Variants in CSTA observed in about 807,000 individuals in gnomAD.
CSTA encodes cystatin A, also known as cystatin-A.
A neutral mutation model predicts 9.2 loss-of-function variants in CSTA; 9 were observed. The observed-to-expected ratio is 0.97, with a 90% CI of 0.59 to 1.70. The LOEUF (loss-of-function observed/expected upper bound fraction) is 1.70, where lower values mean the gene tolerates loss of function less well. Among genes scored for constraint, CSTA ranks in the 40% most tolerant of loss-of-function variants. The pLI, the probability that CSTA is intolerant of heterozygous loss-of-function variation, is 0.00. For synonymous variants in CSTA, 36 were observed against 40.6 expected (o/e 0.89, Z 0.43); for missense variants, 118 against 113.1 (o/e 1.04, Z -0.20).
At chr3:122,333,540 G>GAAGGAAGAAAGAAAGAAAGA (rs2075216439) in intron 1 of CSTA, among the ~76,000 whole-genome samples, 1 of 112,078 alleles carries the variant, frequency 8.9e-6, no homozygotes, top group Non-Finnish European at 1.8e-5. Context: ...AGAAAAGAAA[G>GAAGGAAGAAAGAAAGAAAGA]AAGAAAGAAA....
intron 1 of CSTA, among the ~76,000 whole-genome samples, chr3:122,327,925 A>G (rs1200901287): frequency 6.6e-6 from 1 of 152,234 alleles, no homozygotes; most frequent in African/African-American, 2.4e-5. Context: ...TGCATTGCTA[A>G]TAACACCTAT....
chr3:122,332,718 A>C (rs1272879572), intron 1 of CSTA, among the ~76,000 whole-genome samples: 1 of 152,208 alleles, frequency 6.6e-6, no homozygotes, highest in Non-Finnish European at 1.5e-5. Flanking sequence ...ACCAAGCGAC[A>C]AACCTCCACT....
At chr3:122,339,132 G>T (rs914970240) in intron 2 of CSTA, among the ~76,000 whole-genome samples, 4 of 152,156 alleles carry the variant, frequency 2.6e-5, no homozygotes, top group African/African-American at 9.7e-5. Context: ...AGAGGTAGGT[G>T]GTAGAATGGA....
At chr3:122,337,323 C>A (rs1273609984) in intron 1 of CSTA, among the ~76,000 whole-genome samples, 1 of 152,150 alleles carries the variant, frequency 6.6e-6, no homozygotes, top group African/African-American at 2.4e-5. Flanking sequence ...ATTGCATTAC[C>A]ACACTGAGTT....
At chr3:122,328,567 G>A (rs1336102976) in intron 1 of CSTA, among the ~76,000 whole-genome samples, 1 of 150,466 alleles carries the variant, frequency 6.6e-6, no homozygotes, top group Non-Finnish European at 1.5e-5. Flanking sequence ...TTGACTGCCT[G>A]CCCTCTCTAC....
rs200394711 is a variant in CSTA at position 122,341,550 on chromosome 3, G to A, written c.280G>A (p.Glu94Lys). ...GYQVDKNKDD[E>K]LTGF ...CCAGGTTGACAAAAACAAGGATGACGAGCTGACGGGCTTTTAGCAGCATGT... is the reference window on the plus strand; with the variant it reads ...CCAGGTTGACAAAAACAAGGATGACAAGCTGACGGGCTTTTAGCAGCATGT... The change falls in exon 3 of 3, where the codon GAG becomes AAG. Residue 94 changes from glutamate to lysine, a missense_variant. Physicochemically the swap from Glu to Lys is moderately conservative, Grantham distance 56. Transcript: ENST00000264474. 584 of 1,614,000 alleles carry A rather than the reference G, an allele frequency of 3.6e-4. No homozygotes were observed. The highest frequency in any genetic ancestry group is 4.7e-4 in the Non-Finnish European group (554 of 1,180,016).
At chr3:122,335,956 AATACACAC>A (rs1287444315) in intron 1 of CSTA, among the ~76,000 whole-genome samples, 3 of 60,146 alleles carry the variant, frequency 5.0e-5, no homozygotes, top group African/African-American at 1.7e-4. Context: ...TAATCAGAGG[AATACACAC>A]ACACACACAC....
In CSTA at chr3:122,325,369, G is replaced by A. The variant is rs372265005; in HGVS notation, c.66+11G>A. 17 of 1,613,768 alleles carry A rather than the reference G, an allele frequency of 1.1e-5. No homozygotes were observed. The highest frequency in any genetic ancestry group is 1.3e-5 in the African/African-American group (1 of 74,924). ...GAGATTGTTGATAAGGTGAGTTGAT[G>A]CCATTCAGGAAAAAGTCTGAGCCAA... On this transcript the variant is annotated intron_variant, in intron 1 of 2. Transcript: ENST00000264474.
At chr3:122,333,352 A>G (rs1315366548) in intron 1 of CSTA, among the ~76,000 whole-genome samples, 1 of 152,080 alleles carries the variant, frequency 6.6e-6, no homozygotes, top group Non-Finnish European at 1.5e-5. Flanking sequence ...CTCTCCAAAA[A>G]TATAAAAAAT....
At chr3:122,328,765 T>G (rs2075184961) in intron 1 of CSTA, among the ~76,000 whole-genome samples, 1 of 151,052 alleles carries the variant, frequency 6.6e-6, no homozygotes, top group African/African-American at 2.4e-5. Flanking sequence ...GCTTTCTACT[T>G]TCTAGTTTTC....
At chr3:122,327,068 T>C (rs1395356137) in intron 1 of CSTA, among the ~76,000 whole-genome samples, 1 of 151,642 alleles carries the variant, frequency 6.6e-6, no homozygotes, top group African/African-American at 2.4e-5. Context: ...TGAAACCCCA[T>C]CTCTACTAAA....
intron 1 of CSTA, among the ~76,000 whole-genome samples, chr3:122,327,594 A>G (rs1014047519): frequency 3.3e-5 from 5 of 152,014 alleles, no homozygotes; most frequent in Non-Finnish European, 7.4e-5. Flanking sequence ...CATTTGAAAA[A>G]TGAAGGTAAC....
chr3:122,332,905 A>G (rs2107666575), intron 1 of CSTA, among the ~76,000 whole-genome samples: 1 of 152,248 alleles, frequency 6.6e-6, no homozygotes, highest in East Asian at 1.9e-4. Flanking sequence ...ACCTTCTGAG[A>G]CTTAAGTTTC....
At chr3:122,340,928 A>G (rs9784373) in intron 2 of CSTA, among the ~76,000 whole-genome samples, 6 of 142,840 alleles carry the variant, frequency 4.2e-5, no homozygotes, top group African/African-American at 7.8e-5. Context: ...GCCTCTTGCC[A>G]TGCCATTAGT....
At chr3:122,327,090 T>C (rs1192591800) in intron 1 of CSTA, among the ~76,000 whole-genome samples, 1 of 151,442 alleles carries the variant, frequency 6.6e-6, no homozygotes, top group African/African-American at 2.4e-5. Context: ...ATACAAAAAT[T>C]AGCCGAGCAT....
In CSTA at chr3:122,341,936, T is replaced by C; in HGVS notation, c.*369T>C. 1 of 269,912 alleles carries C rather than the reference T, an allele frequency of 3.7e-6. No homozygotes were observed. The highest frequency in any genetic ancestry group is 7.2e-6 in the Non-Finnish European group (1 of 139,022). The allele number at this position is 269,912 out of a possible 1,614,324, so 16.7% of individuals were successfully genotyped here. Reference sequence around the variant, plus strand: ...ATAACCCAACATTCCATCTCTACCCTCATACTTCAAAATTAAATCAAGTAT... The same window carrying C: ...ATAACCCAACATTCCATCTCTACCCCCATACTTCAAAATTAAATCAAGTAT... On this transcript the variant is annotated 3_prime_UTR_variant, in exon 3 of 3. Transcript: ENST00000264474.
intron 2 of CSTA, among the ~76,000 whole-genome samples, chr3:122,340,668 G>T (rs1206912808): frequency 1.3e-5 from 2 of 152,160 alleles, no homozygotes; most frequent in Non-Finnish European, 2.9e-5. Flanking sequence ...ACCAGTGGGT[G>T]TTTATAAAGT....
At position 122,326,000 on chromosome 3, in the gene CSTA, ACTT is replaced by A. The variant is rs1009831741; in HGVS notation, c.66+649_66+651del. 1.5e-4 allele frequency among the ~76,000 whole-genome samples: 23 copies of A among 152,200 alleles called. 1 individual carries two copies. The highest frequency in any genetic ancestry group is 5.8e-4 in the East Asian group (3 of 5,186). On this transcript the variant is annotated intron_variant, in intron 1 of 2. Coordinates refer to ENST00000264474, the MANE Select transcript of CSTA (RefSeq NM_005213.4). ...TTGTTAGCAGATTGATGTGTTTTTC[ACTT>A]CTTCTTTTTTGTTTTGTTTTGTTTC...
chr3:122,337,404 T>C (rs886092321), intron 1 of CSTA, 143 bp from the exon 2 acceptor site: 30 of 644,346 alleles, frequency 4.7e-5, no homozygotes, highest in Non-Finnish European at 8.0e-5. Context: ...ACAGGTGTTT[T>C]CTATTGAAAT....
Sources: allele counts gnomAD v4.1 joint callset (sites outside exome capture counted in the v4.1 genomes callset), GRCh38; gene constraint gnomAD v4.1.1; transcripts MANE v1.5; gene names NCBI Gene and HGNC (gene_info 2026-07-23, HGNC 2026-07-21).